The following NEK1 variants were observed in gnomAD, a reference collection of about 807,000 sequenced individuals.
The protein encoded by NEK1 is serine/threonine-protein kinase Nek1.
A neutral mutation model predicts 182.1 loss-of-function variants in NEK1; 137 were observed. The ratio of observed to expected loss-of-function variants is 0.75; its 90% CI spans 0.65 to 0.87. NEK1 has a LOEUF of 0.87. NEK1 is among the 40% of genes least tolerant of loss of function. The pLI, the probability that NEK1 is intolerant of heterozygous loss-of-function variation, is 0.00. For synonymous variants in NEK1, 513 were observed against 492.2 expected, an observed-to-expected ratio of 1.04 and a Z score of -0.56; for missense variants, 1,391 against 1,494.4, an observed-to-expected ratio of 0.93 and a Z score of 1.14.
chr4:169,611,145 AGATTAGACAGGG>A (rs1772258655), intron 2 of NEK1, among the ~76,000 whole-genome samples: 1 of 152,238 alleles, frequency 6.6e-6, no homozygotes, highest in Non-Finnish European at 1.5e-5. Context: ...AGAAGGCAGG[AGATTAGACAGGG>A]CAAAATTTAC....
At chr4:169,497,842 A>G (rs1395734245) in intron 23 of NEK1, among the ~76,000 whole-genome samples, 4 of 152,016 alleles carry the variant, frequency 2.6e-5, no homozygotes, top group African/African-American at 7.2e-5. Flanking sequence ...GTCAATTTTG[A>G]AATAGGTGTG....
intron 3 of NEK1, 27 bp from the exon 4 acceptor site, chr4:169,602,131 T>A (rs1244090669): frequency 2.7e-6 from 4 of 1,497,900 alleles, no homozygotes; most frequent in Non-Finnish European, 3.7e-6. Context: ...AAGAAAATAG[T>A]AAATGAAACC....
intron 10 of NEK1, among the ~76,000 whole-genome samples, chr4:169,583,366 A>G (rs1216433059): frequency 6.6e-6 from 1 of 152,208 alleles, no homozygotes; most frequent in Non-Finnish European, 1.5e-5. Flanking sequence ...ATCTTTAAAC[A>G]ACAAGCGATA....
At chr4:169,534,747 T>C (rs1183148028) in intron 19 of NEK1, among the ~76,000 whole-genome samples, 1 of 152,062 alleles carries the variant, frequency 6.6e-6, no homozygotes. Flanking sequence ...TATTTCCAAG[T>C]AACTTAACTG....
chr4:169,467,620 G>T (rs1745168624), intron 26 of NEK1, among the ~76,000 whole-genome samples: 1 of 152,194 alleles, frequency 6.6e-6, no homozygotes, highest in East Asian at 1.9e-4. Context: ...ACTTATGATG[G>T]TTCAACTTAA....
In NEK1 at chr4:169,507,183, G is replaced by GTTT. The variant is rs372604613; in HGVS notation, c.1912-54_1912-52dup. On this transcript the variant is annotated intron_variant, in intron 22 of 35. Coordinates refer to ENST00000507142, the MANE Select transcript of NEK1 (RefSeq NM_001199397.3). ...TGAGTTACCAGAAAGAAGGGCAGAG[G>GTTT]TTTTTTTTTTTTTTTTTGGGCCAGG... 7.6e-3 allele frequency: 4,406 copies of GTTT among 580,864 alleles called. 34 individuals carry two copies. Among genetic ancestry groups the GTTT allele is most frequent in the South Asian group, 0.01 (340 of 33,074 alleles). The allele number at this position is 580,864 out of a possible 1,614,324, so 36.0% of individuals were successfully genotyped here.
In NEK1 at chr4:169,424,650, G is replaced by A. The variant is rs367836027; in HGVS notation, c.3125C>T (p.Ala1042Val). 1.5e-5 allele frequency: 24 copies of A among 1,613,776 alleles called. No homozygotes were observed. In the African/African-American group the frequency reaches 2.9e-4, roughly 20 times the overall value. The change falls in exon 31 of 36, where the codon GCA becomes GTA. Residue 1042 changes from alanine (A) to valine (V), a missense_variant. Transcript: ENST00000507142. The part of the protein sequence containing the change: ...SVQCSPEESF[A>V]FRSHSHLPPK... ...TGGTAAATGCGAGTGAGATCGAAAT[G>A]CAAAGGATTCTTCTGGTGAACACTG...
chr4:169,477,034 T>C, intron 26 of NEK1, 90 bp downstream of exon 26: 1 of 835,570 alleles, frequency 1.2e-6, no homozygotes, highest in Non-Finnish European at 1.8e-6. Flanking sequence ...TCTCAATTCT[T>C]CTAAGTGTTC....
intron 27 of NEK1, among the ~76,000 whole-genome samples, chr4:169,461,602 C>T (rs1269708994): frequency 1.3e-5 from 2 of 152,162 alleles, no homozygotes; most frequent in African/African-American, 4.8e-5. Context: ...ATGGTAAAAA[C>T]TGTCACTTCT....
chr4:169,538,205 T>C (rs192995362), intron 18 of NEK1, among the ~76,000 whole-genome samples: 6 of 152,284 alleles, frequency 3.9e-5, no homozygotes, highest in African/African-American at 1.4e-4. Context: ...TTATTTTAGA[T>C]ACACTTAATT....
At chr4:169,409,217 T>C (rs1020100165) in intron 31 of NEK1, among the ~76,000 whole-genome samples, 3 of 152,064 alleles carry the variant, frequency 2.0e-5, no homozygotes, top group African/African-American at 7.2e-5. Flanking sequence ...CGATCTCGGC[T>C]CACTGCAAGC....
At chr4:169,579,573 G>A (rs1374108974) in intron 11 of NEK1, among the ~76,000 whole-genome samples, 1 of 152,060 alleles carries the variant, frequency 6.6e-6, no homozygotes, top group African/African-American at 2.4e-5. Context: ...GGCAGATCAC[G>A]AGGTCAGGAG....
chr4:169,477,045 AT>A, intron 26 of NEK1, 78 bp downstream of exon 26: 1 of 959,286 alleles, frequency 1.0e-6, no homozygotes, highest in Non-Finnish European at 1.5e-6. Context: ...CTAAGTGTTC[AT>A]TTTTTTCAGA....
rs977352078 is a variant in NEK1 at position 169,393,049 on chromosome 4, T to G, written c.*1461A>C. ...GCTAAAACAATTTTTTTCTACCATA[T>G]TATACCCTTTTCTAATAGTTGTAAT... On this transcript the variant is annotated 3_prime_UTR_variant, in exon 36 of 36. Coordinates refer to ENST00000507142, the MANE Select transcript of NEK1 (RefSeq NM_001199397.3). The G allele has an allele frequency of 6.6e-6, 1 of 152,298 alleles. No individual in the cohort carries two copies. Among genetic ancestry groups the G allele is most frequent in the Non-Finnish European group, 1.5e-5 (1 of 68,024 alleles). 9.4% of individuals were successfully genotyped at this position (152,298 alleles called of 1,614,324 possible).
intron 18 of NEK1, among the ~76,000 whole-genome samples, chr4:169,547,670 T>C (rs1760743523): frequency 6.6e-6 from 1 of 152,196 alleles, no homozygotes. Flanking sequence ...CTTTGTTCGT[T>C]TCTTTTCACT....
chr4:169,547,660 C>T (rs888382074), intron 18 of NEK1, among the ~76,000 whole-genome samples: 8 of 152,134 alleles, frequency 5.3e-5, no homozygotes, highest in African/African-American at 1.4e-4. Context: ...TTCTTGGAGG[C>T]TTTGTTCGTT....
At chr4:169,490,687 A>G (rs1749898282) in intron 23 of NEK1, among the ~76,000 whole-genome samples, 1 of 152,080 alleles carries the variant, frequency 6.6e-6, no homozygotes, top group Admixed American at 6.6e-5. Context: ...AAATTGTTAA[A>G]AACTGAGAGC....
At chr4:169,453,434 C>T (rs142500086) in intron 27 of NEK1, among the ~76,000 whole-genome samples, 85 of 152,262 alleles carry the variant, frequency 5.6e-4, no homozygotes, top group African/African-American at 2.0e-3. Flanking sequence ...TGGGTACAAG[C>T]CCCCCAAAAT....
At chr4:169,603,386 T>C (rs1011892898) in intron 2 of NEK1, among the ~76,000 whole-genome samples, 4 of 152,208 alleles carry the variant, frequency 2.6e-5, no homozygotes, top group Non-Finnish European at 1.5e-5. Context: ...TAAAGGGTAG[T>C]AGTTAAAGAA....
Sources: gnomAD v4.1 joint callset for allele counts (sites outside exome capture counted in the v4.1 genomes callset) on GRCh38, gnomAD v4.1.1 for gene constraint, MANE v1.5 for transcripts, NCBI Gene and HGNC (gene_info 2026-07-23, HGNC 2026-07-21) for gene names.